Variants in ADAMTS9 observed in about 807,000 individuals in gnomAD.
The protein encoded by ADAMTS9 is A disintegrin and metalloproteinase with thrombospondin motifs 9.
In ADAMTS9, 107 loss-of-function variants were observed where a neutral mutation model predicts 257.1. The observed-to-expected ratio is 0.42, with a 90% CI of 0.36 to 0.49. The LOEUF (loss-of-function observed/expected upper bound fraction) is 0.49. Ranked by LOEUF, ADAMTS9 falls within the 20% of genes least tolerant of loss-of-function variation. The probability of loss-of-function intolerance (pLI) is 0.03; values close to 1 mark genes in which losing one functional copy is unlikely to be tolerated. For synonymous variants in ADAMTS9, 982 were observed against 880.9 expected, an observed-to-expected ratio of 1.11 and a Z score of -2.03; for missense variants, 2,353 against 2,469.1, an observed-to-expected ratio of 0.95 and a Z score of 1.00.
intron 11 of ADAMTS9, among the ~76,000 whole-genome samples, chr3:64,642,273 A>G (rs919067823): frequency 6.6e-6 from 1 of 152,204 alleles, no homozygotes; most frequent in African/African-American, 2.4e-5. Context: ...AAACCACTCA[A>G]TTAGTTTACT....
At chr3:64,621,867 C>T (rs1700116010) in intron 18 of ADAMTS9, among the ~76,000 whole-genome samples, 1 of 151,602 alleles carries the variant, frequency 6.6e-6, no homozygotes, top group East Asian at 1.9e-4. Context: ...TTGCTGACTC[C>T]TCATTTAGAC....
At chr3:64,674,092 GT>G (rs11315795) in intron 3 of ADAMTS9, among the ~76,000 whole-genome samples, 821 of 55,790 alleles carry the variant, frequency 0.015, 14 homozygotes, top group African/African-American at 0.057. Context: ...TAACACTAAA[GT>G]TTTTTTTTAA....
chr3:64,676,166 G>A (rs1031400645), intron 3 of ADAMTS9, among the ~76,000 whole-genome samples: 14 of 152,216 alleles, frequency 9.2e-5, no homozygotes, highest in African/African-American at 3.4e-4. Context: ...ATTTTTATCT[G>A]TCTGGTTATT....
rs746869172 is a variant in ADAMTS9 at position 64,658,782 on chromosome 3, T to C, written c.689A>G (p.Asn230Ser). ...TTTCTTCTTGTCTTTACTGTGCCTA[T>C]TTTTGTGTTCTGTAACAAATCAGAT... is the stretch of plus-strand genomic sequence containing the variant. Reference protein sequence around the residue: ...RHACDTSEHKNRHSKDKKKTR... With the variant: ...RHACDTSEHKSRHSKDKKKTR... Residue 230 changes from asparagine (N) to serine (S), a missense_variant, in exon 4 of 40, where the codon AAT (asparagine) becomes AGT (serine). Asn to Ser is a conservative substitution (Grantham distance 46, BLOSUM62 1). Around this residue, in one of 3 missense-constraint regions of ADAMTS9, gnomAD observed 591 missense variants for 569.6 expected, o/e 1.04. Transcript: ENST00000498707. The C allele has an allele frequency of 5.8e-5, 94 of 1,612,506 alleles. No homozygotes were observed. The South Asian group carries it at 1.0e-3, about 18-fold the overall frequency.
chr3:64,645,146 A>C (rs1700755187), intron 11 of ADAMTS9, among the ~76,000 whole-genome samples: 2 of 152,246 alleles, frequency 1.3e-5, no homozygotes. Flanking sequence ...TTACATTATA[A>C]CAAAACATTA....
Position 64,654,859 on chromosome 3 carries a change from C to G in ADAMTS9, c.1170-247G>C, listed in dbSNP as rs76393634. Among the ~76,000 whole-genome samples the G allele has an allele frequency of 5.9e-5, 9 of 152,312 alleles. No homozygotes were observed. The East Asian group carries it at 1.7e-3, about 29-fold the overall frequency. ...GGGCGGTCACAGAGCAGTAAGAAATCTCTCCAACCAGGATTTTCCCAATAC... is the reference window on the plus strand; with the variant it reads ...GGGCGGTCACAGAGCAGTAAGAAATGTCTCCAACCAGGATTTTCCCAATAC... On this transcript the variant is annotated intron_variant, in intron 6 of 39. Coordinates refer to ENST00000498707, the MANE Select transcript of ADAMTS9 (RefSeq NM_182920.2).
intron 28 of ADAMTS9, among the ~76,000 whole-genome samples, chr3:64,573,032 C>T (rs2083733781): frequency 6.8e-6 from 1 of 147,764 alleles, no homozygotes; most frequent in African/African-American, 2.5e-5. Context: ...GAGTCAAGAT[C>T]CTCCACTGCA....
chr3:64,602,701 C>T (rs2084487751), intron 25 of ADAMTS9, among the ~76,000 whole-genome samples: 1 of 152,224 alleles, frequency 6.6e-6, no homozygotes, highest in African/African-American at 2.4e-5. Flanking sequence ...CATTCCCTCA[C>T]TTCATTCAGG....
chr3:64,544,564 T>G, intron 32 of ADAMTS9, among the ~76,000 whole-genome samples: 1 of 152,318 alleles, frequency 6.6e-6, no homozygotes, highest in East Asian at 1.9e-4. Context: ...TAGCCATATG[T>G]AGAAAGCTGA....
At chr3:64,617,339 A>G (rs1386998953) in intron 19 of ADAMTS9, among the ~76,000 whole-genome samples, 1 of 152,172 alleles carries the variant, frequency 6.6e-6, no homozygotes, top group Non-Finnish European at 1.5e-5. Flanking sequence ...CTGCCTCCAC[A>G]AGAAAACATG....
At chr3:64,614,190 T>C (rs1320188210) in intron 21 of ADAMTS9, among the ~76,000 whole-genome samples, 1 of 152,246 alleles carries the variant, frequency 6.6e-6, no homozygotes, top group African/African-American at 2.4e-5. Flanking sequence ...TTTTATCGCA[T>C]ATTATTGCAA....
chr3:64,562,599 AT>A (rs2083446636), intron 29 of ADAMTS9, among the ~76,000 whole-genome samples: 1 of 152,214 alleles, frequency 6.6e-6, no homozygotes, highest in African/African-American at 2.4e-5. Flanking sequence ...TAAAGGCAAC[AT>A]TTGGAAAGAA....
intron 38 of ADAMTS9, among the ~76,000 whole-genome samples, chr3:64,532,489 C>T (rs1170385730): frequency 6.6e-6 from 1 of 152,136 alleles, no homozygotes; most frequent in African/African-American, 2.4e-5. Flanking sequence ...GTGGAACCGT[C>T]GTAAGTCAGG....
At chr3:64,568,646 C>A in intron 28 of ADAMTS9, 111 bp from the exon 29 acceptor site, 2 of 1,282,010 alleles carry the variant, frequency 1.6e-6, no homozygotes, top group South Asian at 1.3e-5. Flanking sequence ...GTTACCATTC[C>A]CCTCTTTTAC....
At position 64,655,810 on chromosome 3, in the gene ADAMTS9, A is replaced by G. The variant is rs750054468; in HGVS notation, c.1035T>C (p.Ile345=). Residue 345 remains isoleucine (I), a synonymous_variant, in exon 5 of 40, where the codon ATT becomes ATC. Coordinates refer to ENST00000498707, the MANE Select transcript of ADAMTS9 (RefSeq NM_182920.2). The stretch of plus-strand genomic sequence containing the variant: ...TTATTACCTGTTCATTATGAATCAC[A>G]ATTAAGTTCACAATAACAATATTAA... ...NLINIVIVNL[I]VIHNEQDGPS... 4 of 1,574,416 alleles carry G rather than the reference A, an allele frequency of 2.5e-6. No homozygotes were observed. Among genetic ancestry groups the G allele is most frequent in the Non-Finnish European group, 3.4e-6 (4 of 1,163,894 alleles).
Position 64,633,899 on chromosome 3 carries a change from A to G in ADAMTS9, c.1857-20T>C. The G allele has an allele frequency of 6.3e-7, 1 of 1,594,306 alleles. No individual in the cohort carries two copies. The highest frequency in any genetic ancestry group is 8.6e-7 in the Non-Finnish European group (1 of 1,168,088). On this transcript the variant is annotated intron_variant, in intron 12 of 39. Coordinates refer to ENST00000498707, the MANE Select transcript of ADAMTS9 (RefSeq NM_182920.2). ...TTTGGTCTGAAAAAGAAAAAATGTGAAGAGCACACACACTGTATTATCATG... is the reference window on the plus strand; with the variant it reads ...TTTGGTCTGAAAAAGAAAAAATGTGGAGAGCACACACACTGTATTATCATG...
intron 39 of ADAMTS9, 27 bp downstream of exon 39, chr3:64,522,139 C>CAG: frequency 6.3e-7 from 1 of 1,588,656 alleles, no homozygotes; most frequent in Admixed American, 1.7e-5. Context: ...GACAAATACA[C>CAG]AGACAGACAG....
chr3:64,596,666 C>A (rs1046680907), intron 27 of ADAMTS9, among the ~76,000 whole-genome samples, 164 bp downstream of exon 27: 2 of 152,154 alleles, frequency 1.3e-5, no homozygotes, highest in African/African-American at 4.8e-5. Flanking sequence ...AATAGGAACA[C>A]TTTAAAATAG....
chr3:64,554,093 A>T (rs545013466), intron 30 of ADAMTS9, among the ~76,000 whole-genome samples: 1 of 152,294 alleles, frequency 6.6e-6, no homozygotes, highest in Admixed American at 6.5e-5. Context: ...ACCTGGACTA[A>T]ACCTTCCAGT....
Sources: allele counts gnomAD v4.1 joint callset (sites outside exome capture counted in the v4.1 genomes callset), GRCh38; gene constraint gnomAD v4.1.1; regional missense constraint gnomAD v4.1.1; transcripts MANE v1.5; gene names NCBI Gene and HGNC (gene_info 2026-07-23, HGNC 2026-07-21).